Variants in FBXW2 observed in about 807,000 individuals in gnomAD.
The protein encoded by FBXW2 is F-box/WD repeat-containing protein 2.
Under a neutral mutation model 46.0 loss-of-function variants are expected in FBXW2, and 12 were observed. That is an observed-to-expected ratio of 0.26 (90% CI 0.17 to 0.42). The LOEUF is 0.42. FBXW2 is among the 10% of genes least tolerant of loss of function. The pLI is 1.00. For synonymous variants in FBXW2, 203 were observed against 209.6 expected (o/e 0.97, Z 0.27); for missense variants, 360 against 537.0 (o/e 0.67, Z 3.26).
rs2044144226 is a variant in FBXW2, at chr9:120,757,432, A to T, written c.*7127T>A. On this transcript the variant is annotated 3_prime_UTR_variant, in exon 8 of 8. Transcript: ENST00000608872. ...TTGTTCTAAGGAAATATGCACAAAG[A>T]AGTTCTCTGTAGTATCTTCTAAAAA... 1 of 152,242 alleles carries T rather than the reference A, an allele frequency of 6.6e-6. No homozygotes were observed. Among genetic ancestry groups the T allele is most frequent in the Non-Finnish European group, 1.5e-5 (1 of 68,042 alleles). 9.4% of individuals were successfully genotyped at this position (152,242 alleles called of 1,614,324 possible). A position where few individuals can be genotyped will look rare whatever the true frequency, so the allele number is the denominator to read the frequency against.
chr9:120,781,276 C>T (rs1026053647), intron 3 of FBXW2, among the ~76,000 whole-genome samples: 1 of 152,030 alleles, frequency 6.6e-6, no homozygotes, highest in African/African-American at 2.4e-5. Context: ...TTAAATATCT[C>T]TATATGCAAC....
In FBXW2 at chr9:120,757,654, C is replaced by T. The variant is rs1034838824; in HGVS notation, c.*6905G>A. On this transcript the variant is annotated 3_prime_UTR_variant, in exon 8 of 8. Transcript: ENST00000608872. ...AGGATTAGAAGAGAGTATTAAAAAT[C>T]GTAATGATAAAGGAGCTCTGGGTAA... 3 of 152,098 alleles carry T rather than the reference C, an allele frequency of 2.0e-5. No individual in the cohort carries two copies. The highest frequency in any genetic ancestry group is 2.0e-4 in the Admixed American group (3 of 15,270). 9.4% of individuals were successfully genotyped at this position (152,098 alleles called of 1,614,324 possible). A position where few individuals can be genotyped will look rare whatever the true frequency, so the allele number is the denominator to read the frequency against.
chr9:120,772,676 C>T, intron 6 of FBXW2, 78 bp downstream of exon 6: 2 of 938,226 alleles, frequency 2.1e-6, no homozygotes, highest in Non-Finnish European at 3.1e-6. Context: ...AATGTTCACC[C>T]TTTGCCATAC....
At chr9:120,765,242 C>G (rs1053486953) in intron 7 of FBXW2, among the ~76,000 whole-genome samples, 5 of 151,904 alleles carry the variant, frequency 3.3e-5, no homozygotes, top group African/African-American at 1.2e-4. Context: ...CTACAGACGG[C>G]TGCCACTGCA....
intron 3 of FBXW2, 108 bp downstream of exon 3, chr9:120,787,661 A>G (rs982204752): frequency 3.3e-6 from 4 of 1,211,922 alleles, no homozygotes; most frequent in African/African-American, 1.5e-5. Flanking sequence ...GTCACTGTAC[A>G]TATCTCATAT....
At chr9:120,769,992 TA>T (rs1224431725) in intron 7 of FBXW2, among the ~76,000 whole-genome samples, 1 of 151,798 alleles carries the variant, frequency 6.6e-6, no homozygotes, top group East Asian at 2.0e-4. Flanking sequence ...AATGGGGTTG[TA>T]ACTTTGTGAT....
rs1045912925 is a variant in FBXW2, at chr9:120,775,994, C to T, written c.819+99G>A. ...TGCTTTGTAGGTACAGCAATTCCAT[C>T]TTATGACTCACCTAACACTTATAAG... is the stretch of plus-strand genomic sequence containing the variant. On this transcript the variant is annotated intron_variant, in intron 5 of 7. Transcript: ENST00000608872. 88 of 1,440,792 alleles carry T rather than the reference C, an allele frequency of 6.1e-5. No individual in the cohort carries two copies. The Admixed American group carries it at 9.9e-4, about 16-fold the overall frequency. 89.3% of individuals were successfully genotyped at this position (1,440,792 alleles called of 1,614,324 possible). A position where few individuals can be genotyped will look rare whatever the true frequency, so the allele number is the denominator to read the frequency against.
At position 120,776,126 on chromosome 9, in the gene FBXW2, G is replaced by A. The variant is rs377426435; in HGVS notation, c.786C>T (p.Asn262=). Reference sequence around the variant, plus strand: ...CCCATTCCGTGTGCCCGGTGAGTGTGTTCAGGCATGTCCCAGCAGATAAAG... The same window carrying A: ...CCCATTCCGTGTGCCCGGTGAGTGTATTCAGGCATGTCCCAGCAGATAAAG... ...VWALSAGTCL[N]TLTGHTEWVT... is the part of the protein sequence containing the mutation. The change falls in exon 5 of 8, where the codon AAC becomes AAT. Residue 262 remains asparagine, a synonymous_variant. Transcript: ENST00000608872. 471 of 1,613,974 alleles carry A rather than the reference G, an allele frequency of 2.9e-4. No homozygotes were observed. The highest frequency in any genetic ancestry group is 4.9e-4 in the Middle Eastern group (3 of 6,084).
At chr9:120,782,339 G>A (rs1227580510) in intron 3 of FBXW2, among the ~76,000 whole-genome samples, 1 of 152,094 alleles carries the variant, frequency 6.6e-6, no homozygotes, top group Non-Finnish European at 1.5e-5. Flanking sequence ...GGTGGCGCAT[G>A]CCTGTAATCC....
chr9:120,792,328 G>A (rs1464255836), intron 2 of FBXW2: 2 of 149,798 alleles, frequency 1.3e-5, no homozygotes, highest in African/African-American at 4.9e-5. Context: ...GAGGGAAGGA[G>A]GCTTCATTTC....
chr9:120,761,910 T>C lies in FBXW2; in HGVS notation c.*2649A>G, dbSNP rs900418902. ...AACATACTATATACAGCTTCAAGTT[T>C]GTCACTTTTTAATAAAACTTTTCCC... On this transcript the variant is annotated 3_prime_UTR_variant, in exon 8 of 8. Coordinates refer to ENST00000608872, the MANE Select transcript of FBXW2 (RefSeq NM_012164.4). 3.9e-5 allele frequency: 6 copies of C among 152,224 alleles called. No individual in the cohort carries two copies. Among genetic ancestry groups the C allele is most frequent in the African/African-American group, 1.2e-4 (5 of 41,462 alleles). The allele number at this position is 152,224 out of a possible 1,614,324, so 9.4% of individuals were successfully genotyped here.
At chr9:120,790,910 G>A (rs1007657336) in intron 2 of FBXW2, among the ~76,000 whole-genome samples, 4 of 152,010 alleles carry the variant, frequency 2.6e-5, no homozygotes, top group Admixed American at 6.6e-5. Context: ...AAAAAATTCA[G>A]CCATGTCTCA....
At position 120,757,136 on chromosome 9, in the gene FBXW2, T is replaced by C. The variant is rs569239932; in HGVS notation, c.*7423A>G. ...ATACAAATAAGCACACATAAAAATATGTCATTTTCTCTCTAGTCCCCTCCC... is the reference window on the plus strand; with the variant it reads ...ATACAAATAAGCACACATAAAAATACGTCATTTTCTCTCTAGTCCCCTCCC... On this transcript the variant is annotated 3_prime_UTR_variant, in exon 8 of 8. Coordinates refer to ENST00000608872, the MANE Select transcript of FBXW2 (RefSeq NM_012164.4). The C allele has an allele frequency of 4.8e-5, 7 of 145,474 alleles. No individual in the cohort carries two copies. Among genetic ancestry groups the C allele is most frequent in the African/African-American group, 1.2e-4 (5 of 40,096 alleles). 9.0% of individuals were successfully genotyped at this position (145,474 alleles called of 1,614,324 possible). A position where few individuals can be genotyped will look rare whatever the true frequency, so the allele number is the denominator to read the frequency against.
intron 3 of FBXW2, among the ~76,000 whole-genome samples, chr9:120,787,559 T>G (rs1345333954): frequency 6.6e-6 from 1 of 152,092 alleles, no homozygotes; most frequent in Non-Finnish European, 1.5e-5. Flanking sequence ...GTCTGAAGTG[T>G]TTTTCTCATA....
In FBXW2 at chr9:120,772,815, T is replaced by C; in HGVS notation, c.845A>G (p.Lys282Arg). 4 of 1,612,152 alleles carry C rather than the reference T, an allele frequency of 2.5e-6. No individual in the cohort carries two copies. Among genetic ancestry groups the C allele is most frequent in the African/African-American group, 1.3e-5 (1 of 74,908 alleles). The change falls in exon 6 of 8, where the codon AAG (lysine) becomes AGG (arginine). Residue 282 changes from lysine (K) to arginine (R), a missense_variant. Transcript: ENST00000608872. The part of the protein sequence containing the change: ...TKVVLQKCKV[K>R]SLLHSPGDYI... Reference sequence around the variant, plus strand: ...GTCTCCAGGACTGTGCAAGAGAGACTTGACTTTGCACTTCTGCAAAACTAC... The same window carrying C: ...GTCTCCAGGACTGTGCAAGAGAGACCTGACTTTGCACTTCTGCAAAACTAC...
intron 5 of FBXW2, among the ~76,000 whole-genome samples, chr9:120,773,988 C>G (rs2044435603): frequency 6.6e-6 from 1 of 152,130 alleles, no homozygotes; most frequent in South Asian, 2.1e-4. Context: ...GCCAGGAGTT[C>G]AAGACCAGCC....
chr9:120,778,143 C>T (rs373758292), intron 4 of FBXW2, among the ~76,000 whole-genome samples: 1 of 151,386 alleles, frequency 6.6e-6, no homozygotes, highest in South Asian at 2.1e-4. Flanking sequence ...CAGAAGGGTA[C>T]ACACATAGAA....
chr9:120,793,318 G>A, intron 1 of FBXW2, 36 bp downstream of exon 1: 1 of 433,028 alleles, frequency 2.3e-6, no homozygotes, highest in African/African-American at 2.0e-5. Flanking sequence ...GCGCCTAAGA[G>A]TCCCCTCCCC....
In FBXW2 at chr9:120,764,430, A is replaced by G; in HGVS notation, c.*129T>C. The G allele has an allele frequency of 9.2e-7, 1 of 1,083,572 alleles. No homozygotes were observed. Among genetic ancestry groups the G allele is most frequent in the Non-Finnish European group, 1.3e-6 (1 of 747,994 alleles). 67.1% of individuals were successfully genotyped at this position (1,083,572 alleles called of 1,614,324 possible). On this transcript the variant is annotated 3_prime_UTR_variant, in exon 8 of 8. Coordinates refer to ENST00000608872, the MANE Select transcript of FBXW2 (RefSeq NM_012164.4). ...CTGGCCCCTGGCAAAACATAGATAA[A>G]TGATTGTGCACTGCGTGATGATACC...
Sources: gnomAD v4.1 joint callset for allele counts (sites outside exome capture counted in the v4.1 genomes callset) on GRCh38, gnomAD v4.1.1 for gene constraint, MANE v1.5 for transcripts, NCBI Gene and HGNC (gene_info 2026-07-23, HGNC 2026-07-21) for gene names.